ZNF385B: variants seen among roughly 807,000 people sequenced by gnomAD.
The protein encoded by ZNF385B is zinc finger protein 533.
In ZNF385B, 23 loss-of-function variants were observed where a neutral mutation model predicts 39.2. That is an observed-to-expected ratio of 0.59 (90% CI 0.42 to 0.83). The LOEUF (loss-of-function observed/expected upper bound fraction) is 0.83. Ranked by LOEUF, ZNF385B falls within the 40% of genes least tolerant of loss-of-function variation. ZNF385B has a pLI of 0.00. For missense variants in ZNF385B, 552 were observed against 598.9 expected (o/e 0.92, Z 0.82); for synonymous variants, 205 against 222.6 (o/e 0.92, Z 0.70).
chr2:179,690,546 C>T (rs1256373722), intron 3 of ZNF385B, among the ~76,000 whole-genome samples: 2 of 152,188 alleles, frequency 1.3e-5, no homozygotes, highest in African/African-American at 2.4e-5. Context: ...TGTTCAAGGG[C>T]CAATTGTAAT....
chr2:179,846,333 T>C (rs1708797672), intron 1 of ZNF385B, among the ~76,000 whole-genome samples: 1 of 152,206 alleles, frequency 6.6e-6, no homozygotes, highest in African/African-American at 2.4e-5. Flanking sequence ...TTTAATCAGA[T>C]ATGTTGCTGG....
At chr2:179,769,827 G>C in intron 2 of ZNF385B, 25 bp from the exon 3 acceptor site, 17 of 1,560,758 alleles carry the variant, frequency 1.1e-5, no homozygotes, top group Non-Finnish European at 1.5e-5. Flanking sequence ...AAGTACAAGT[G>C]CTTCTGAAAT....
At chr2:179,791,458 G>A (rs1705320499) in intron 1 of ZNF385B, among the ~76,000 whole-genome samples, 1 of 152,192 alleles carries the variant, frequency 6.6e-6, no homozygotes, top group Non-Finnish European at 1.5e-5. Context: ...ACTTAAAAGT[G>A]TAAGTGGAGA....
At chr2:179,859,345 G>A (rs984855204) in intron 1 of ZNF385B, among the ~76,000 whole-genome samples, 1 of 152,078 alleles carries the variant, frequency 6.6e-6, no homozygotes, top group African/African-American at 2.4e-5. Flanking sequence ...TTAAAATGCT[G>A]TAAAATATCA....
intron 3 of ZNF385B, among the ~76,000 whole-genome samples, chr2:179,720,476 A>T (rs1419656075): frequency 1.9e-5 from 2 of 105,388 alleles, no homozygotes; most frequent in Non-Finnish European, 3.7e-5. Context: ...AAAGGAGAGC[A>T]GGGATGAGGG....
At chr2:179,551,075 G>C (rs2060534482) in intron 3 of ZNF385B, among the ~76,000 whole-genome samples, 1 of 152,024 alleles carries the variant, frequency 6.6e-6, no homozygotes, top group Admixed American at 6.6e-5. Flanking sequence ...TATTACGTAA[G>C]ACACCTCCTA....
chr2:179,818,846 A>C (rs1421157326), intron 1 of ZNF385B, among the ~76,000 whole-genome samples: 5 of 152,140 alleles, frequency 3.3e-5, no homozygotes, highest in Non-Finnish European at 7.4e-5. Context: ...AAAACCCAAG[A>C]TAAACCTGGA....
At chr2:179,530,531 T>G (rs2059192308) in intron 4 of ZNF385B, among the ~76,000 whole-genome samples, 1 of 152,168 alleles carries the variant, frequency 6.6e-6, no homozygotes, top group Non-Finnish European at 1.5e-5. Context: ...CTGACATCCT[T>G]TCAAAACCAT....
intron 1 of ZNF385B, among the ~76,000 whole-genome samples, chr2:179,791,754 G>A (rs1705339447): frequency 6.6e-6 from 1 of 152,062 alleles, no homozygotes; most frequent in Non-Finnish European, 1.5e-5. Flanking sequence ...TGAGTTATTT[G>A]CATTACTTTT....
chr2:179,625,897 A>T (rs565677327), intron 3 of ZNF385B, among the ~76,000 whole-genome samples: 9 of 151,846 alleles, frequency 5.9e-5, no homozygotes, highest in African/African-American at 1.9e-4. Context: ...AAAGAGTGCA[A>T]CTCCCCTCTC....
chr2:179,571,945 C>T (rs565996729), intron 3 of ZNF385B, among the ~76,000 whole-genome samples: 153 of 152,174 alleles, frequency 1.0e-3, no homozygotes, highest in African/African-American at 3.4e-3. Context: ...CCCTAATGGC[C>T]CTCGGACTAC....
intron 4 of ZNF385B, among the ~76,000 whole-genome samples, chr2:179,523,407 T>G (rs1417182330): frequency 2.6e-5 from 4 of 151,274 alleles, no homozygotes; most frequent in Non-Finnish European, 5.9e-5. Flanking sequence ...AAAAGTAATT[T>G]ACATCTCCAC....
In ZNF385B at chr2:179,651,904, T is replaced by C. The variant is rs567511688; in HGVS notation, c.299-106935A>G. On this transcript the variant is annotated intron_variant, in intron 3 of 9. Coordinates refer to ENST00000410066, the MANE Select transcript of ZNF385B (RefSeq NM_152520.6). The stretch of plus-strand genomic sequence containing the variant: ...GGCTAAGATTCATTTCCCTTATCTT[T>C]ATCAGGGACACCTTTTCTCCAGAAA... Among the ~76,000 whole-genome samples, 5 of 152,274 alleles carry C rather than the reference T, an allele frequency of 3.3e-5. No homozygotes were observed. The South Asian group carries it at 1.0e-3, about 32-fold the overall frequency.
intron 3 of ZNF385B, among the ~76,000 whole-genome samples, chr2:179,566,547 C>G (rs564753711): frequency 6.6e-6 from 1 of 151,998 alleles, no homozygotes; most frequent in Non-Finnish European, 1.5e-5. Flanking sequence ...GTTGTGTATT[C>G]GAATGGTTAC....
chr2:179,558,703 C>T (rs1421970538), intron 3 of ZNF385B, among the ~76,000 whole-genome samples: 1 of 151,118 alleles, frequency 6.6e-6, no homozygotes, highest in African/African-American at 2.5e-5. Flanking sequence ...ACCAGAATTA[C>T]AATGCACTAT....
intron 3 of ZNF385B, among the ~76,000 whole-genome samples, chr2:179,593,394 T>C (rs1390967465): frequency 2.0e-5 from 3 of 152,300 alleles, no homozygotes; most frequent in East Asian, 3.9e-4. Context: ...AAGGAATACG[T>C]TTGATGAAAT....
intron 3 of ZNF385B, among the ~76,000 whole-genome samples, chr2:179,726,091 A>G (rs1361802042): frequency 1.3e-5 from 2 of 151,868 alleles, no homozygotes; most frequent in African/African-American, 4.8e-5. Flanking sequence ...CTTGTGGACA[A>G]CTGTCATTTC....
intron 6 of ZNF385B, among the ~76,000 whole-genome samples, chr2:179,458,592 A>C (rs2050961081): frequency 6.6e-6 from 1 of 152,166 alleles, no homozygotes; most frequent in Non-Finnish European, 1.5e-5. Flanking sequence ...GAAGCTCTGA[A>C]ACCAGAGTAG....
chr2:179,841,555 G>T (rs950176718), intron 1 of ZNF385B, among the ~76,000 whole-genome samples: 6 of 152,202 alleles, frequency 3.9e-5, no homozygotes, highest in Non-Finnish European at 8.8e-5. Context: ...TGATATTTTG[G>T]TCTGGATAAT....
Sources: gnomAD v4.1 joint callset for allele counts (sites outside exome capture counted in the v4.1 genomes callset) on GRCh38, gnomAD v4.1.1 for gene constraint, MANE v1.5 for transcripts, NCBI Gene and HGNC (gene_info 2026-07-23, HGNC 2026-07-21) for gene names.